Variants in MROH1 observed in about 807,000 individuals in gnomAD.
The protein encoded by MROH1 is maestro heat-like repeat-containing protein family member 1.
MROH1 carries 117 observed loss-of-function variants against 116.5 expected under a neutral mutation model. That is an observed-to-expected ratio of 1.00 (90% CI 0.86 to 1.17). The LOEUF is 1.17. Among genes scored for constraint, MROH1 ranks in the 50% most tolerant of loss-of-function variants. The pLI is 0.00. For missense variants in MROH1, 1,873 were observed against 1,338.5 expected, an observed-to-expected ratio of 1.40 and a Z score of -6.23; for synonymous variants, 921 against 583.9, an observed-to-expected ratio of 1.58 and a Z score of -8.32.
chr8:144,148,381 C>T (rs896249793), intron 1 of MROH1, among the ~76,000 whole-genome samples: 1 of 151,990 alleles, frequency 6.6e-6, no homozygotes, highest in Non-Finnish European at 1.5e-5. Context: ...TGGTGGTCCC[C>T]GGTGCCCGCC....
At chr8:144,177,748 A>T (rs912458600) in intron 4 of MROH1, among the ~76,000 whole-genome samples, 4 of 148,110 alleles carry the variant, frequency 2.7e-5, no homozygotes, top group Non-Finnish European at 5.9e-5. Context: ...TAGAGTTCTC[A>T]GGAGATCTGG....
chr8:144,149,897 C>T (rs932580199), intron 1 of MROH1, among the ~76,000 whole-genome samples: 3 of 152,032 alleles, frequency 2.0e-5, no homozygotes, highest in Admixed American at 6.5e-5. Flanking sequence ...TGTGGGATTG[C>T]ATTTCCCAGG....
chr8:144,226,568 TCAGC>T (rs1315502815), intron 14 of MROH1, among the ~76,000 whole-genome samples: 1 of 152,210 alleles, frequency 6.6e-6, no homozygotes, highest in Non-Finnish European at 1.5e-5. Flanking sequence ...TTCTCGTGCC[TCAGC>T]CTCCTGAGTA....
intron 4 of MROH1, among the ~76,000 whole-genome samples, chr8:144,170,552 GC>G (rs1822177927): frequency 6.6e-6 from 1 of 152,156 alleles, no homozygotes; most frequent in South Asian, 2.1e-4. Flanking sequence ...ATTGCGTCTT[GC>G]CTAGATAGCA....
chr8:144,167,893 C>T (rs1030261952), intron 3 of MROH1, among the ~76,000 whole-genome samples: 4 of 152,060 alleles, frequency 2.6e-5, no homozygotes, highest in African/African-American at 9.7e-5. Flanking sequence ...GGGGAGCCTT[C>T]CTGAAGGGTC....
intron 14 of MROH1, among the ~76,000 whole-genome samples, chr8:144,232,201 C>T (rs1477198625): frequency 6.6e-6 from 1 of 152,138 alleles, no homozygotes; most frequent in Non-Finnish European, 1.5e-5. Flanking sequence ...CATACCCCCA[C>T]CTTCTACCCT....
chr8:144,218,032 G>A (rs1033975408), intron 12 of MROH1, among the ~76,000 whole-genome samples: 11 of 140,690 alleles, frequency 7.8e-5, no homozygotes, highest in African/African-American at 1.6e-4. Context: ...GGGTGGCTGC[G>A]TTAGTGGCCC....
intron 1 of MROH1, among the ~76,000 whole-genome samples, chr8:144,155,026 C>G (rs1817700493): frequency 6.6e-6 from 1 of 152,150 alleles, no homozygotes; most frequent in South Asian, 2.1e-4. Context: ...CCATGCTAGC[C>G]AGGCTGGTCT....
intron 1 of MROH1, among the ~76,000 whole-genome samples, chr8:144,157,677 C>CTTTTTTTTT (rs1164415639): frequency 1.4e-4 from 16 of 117,926 alleles, no homozygotes; most frequent in South Asian, 2.7e-4. Flanking sequence ...TTCTTTCTTT[C>CTTTTTTTTT]TTTTTTTTTT....
In MROH1 at chr8:144,259,374, G is replaced by T; in HGVS notation, c.4044+20G>T. ...GCCGAGGTAGGCCCTTCCAGGGACG[G>T]ATGCTGGGCACCAAGGTGGGGCTCC... On this transcript the variant is annotated intron_variant, in intron 37 of 43. Transcript: ENST00000326134. 1 of 714,850 alleles carries T rather than the reference G, an allele frequency of 1.4e-6. No individual in the cohort carries two copies. Among genetic ancestry groups the T allele is most frequent in the Non-Finnish European group, 2.6e-6 (1 of 384,852 alleles). 44.3% of individuals were successfully genotyped at this position (714,850 alleles called of 1,614,324 possible). A position where few individuals can be genotyped will look rare whatever the true frequency, so the allele number is the denominator to read the frequency against.
At chr8:144,235,355 TTC>T (rs1839877189) in intron 14 of MROH1, among the ~76,000 whole-genome samples, 1 of 152,248 alleles carries the variant, frequency 6.6e-6, no homozygotes, top group African/African-American at 2.4e-5. Flanking sequence ...TTTATTTAAT[TTC>T]CTTGCTTAGC....
In MROH1 at chr8:144,182,005, G is replaced by A. The variant is rs1825839118; in HGVS notation, c.562+1482G>A. Among the ~76,000 whole-genome samples the A allele has an allele frequency of 6.6e-6, 1 of 152,246 alleles. No individual in the cohort carries two copies. The highest frequency in any genetic ancestry group is 2.1e-4 in the South Asian group (1 of 4,834). On this transcript the variant is annotated intron_variant, in intron 7 of 43. Transcript: ENST00000326134. The surrounding 1 kb of genome is among the most constrained non-coding windows in gnomAD (Gnocchi z 4.1). Reference sequence around the variant, plus strand: ...TTTTCCTCCATGTGTCAAACACATGGGTTCAGCCAGCGAAGATTCCATGGG... The same window carrying A: ...TTTTCCTCCATGTGTCAAACACATGAGTTCAGCCAGCGAAGATTCCATGGG...
intron 31 of MROH1, among the ~76,000 whole-genome samples, chr8:144,248,307 G>GA (rs1166970261): frequency 4.6e-5 from 7 of 152,180 alleles, no homozygotes; most frequent in Admixed American, 2.6e-4. Flanking sequence ...TTACGGGGGG[G>GA]AAAAAAAGAG....
At chr8:144,174,008 T>C (rs1823187817) in intron 4 of MROH1, among the ~76,000 whole-genome samples, 1 of 152,096 alleles carries the variant, frequency 6.6e-6, no homozygotes, top group African/African-American at 2.4e-5. Flanking sequence ...TCAGGCTGTC[T>C]CTTCGCCCAA....
intron 11 of MROH1, 133 bp downstream of exon 11, chr8:144,199,333 G>C: frequency 1.1e-6 from 1 of 893,084 alleles, no homozygotes; most frequent in East Asian, 2.6e-5. Context: ...ACCTCTCCTG[G>C]GCCTACCTGT....
chr8:144,154,483 C>A (rs1319637641), intron 1 of MROH1, among the ~76,000 whole-genome samples: 2 of 152,068 alleles, frequency 1.3e-5, no homozygotes, highest in Non-Finnish European at 2.9e-5. Context: ...TGTGGGAGAA[C>A]CACGGGCGAC....
At chr8:144,152,282 G>A (rs995465408) in intron 1 of MROH1, among the ~76,000 whole-genome samples, 1 of 152,122 alleles carries the variant, frequency 6.6e-6, no homozygotes, top group Non-Finnish European at 1.5e-5. Flanking sequence ...TGAAACCAAG[G>A]AAAGTAAAAC....
intron 1 of MROH1, among the ~76,000 whole-genome samples, chr8:144,151,777 G>A (rs951497545): frequency 7.2e-5 from 11 of 152,302 alleles, no homozygotes; most frequent in Middle Eastern, 3.4e-3. Context: ...ACAGCCTCCC[G>A]TCTCTGTGCT....
chr8:144,205,470 A>T (rs969609607), intron 12 of MROH1, among the ~76,000 whole-genome samples: 2 of 151,618 alleles, frequency 1.3e-5, no homozygotes, highest in African/African-American at 4.8e-5. Context: ...TTCTGCCTAG[A>T]TGCCCAAAGG....
Sources: gnomAD v4.1 joint callset for allele counts (sites outside exome capture counted in the v4.1 genomes callset) on GRCh38, gnomAD v4.1.1 for gene constraint, Gnocchi (gnomAD v3.1) non-coding constraint, MANE v1.5 for transcripts, NCBI Gene and HGNC (gene_info 2026-07-23, HGNC 2026-07-21) for gene names.